Variants in MALRD1 observed in about 807,000 individuals in gnomAD.
The protein encoded by MALRD1 is MAM and LDL-receptor class A domain-containing protein 1.
Under a neutral mutation model 242.1 loss-of-function variants are expected in MALRD1, and 247 were observed. The observed-to-expected ratio is 1.02, with a 90% CI of 0.92 to 1.13. The LOEUF (loss-of-function observed/expected upper bound fraction) is 1.13. MALRD1 is among the 50% of genes most tolerant of loss of function. The pLI, the probability that MALRD1 is intolerant of heterozygous loss-of-function variation, is 0.00. For missense variants in MALRD1, 2,989 were observed against 2,533.1 expected (o/e 1.18, Z -3.86); for synonymous variants, 995 against 866.6 (o/e 1.15, Z -2.60).
rs920209958 is a variant in MALRD1 at position 19,124,437 on chromosome 10, G to GC, written c.797-86dup. 8 of 1,118,100 alleles carry GC rather than the reference G, an allele frequency of 7.2e-6. No homozygotes were observed. The African/African-American group carries it at 1.3e-4, about 18-fold the overall frequency. The allele number at this position is 1,118,100 out of a possible 1,614,324, so 69.3% of individuals were successfully genotyped here. A position where few individuals can be genotyped will look rare whatever the true frequency, so the allele number is the denominator to read the frequency against. ...TGCTGATGTGTATGTGTGTATATAA[G>GC]CTTTTTGGTTGATTACAACACATAA... is the stretch of plus-strand genomic sequence containing the variant. On this transcript the variant is annotated intron_variant, in intron 6 of 39. Transcript: ENST00000454679.
chr10:19,382,889 C>G (rs1234528655), intron 26 of MALRD1, among the ~76,000 whole-genome samples: 1 of 152,142 alleles, frequency 6.6e-6, no homozygotes, highest in Middle Eastern at 3.2e-3. Flanking sequence ...AGGATGTATA[C>G]TCTTTCTTTA....
Position 19,531,278 on chromosome 10 carries a change from C to G in MALRD1, c.5405C>G (p.Pro1802Arg). The change falls in exon 32 of 40, where the codon CCA becomes CGA. Residue 1802 changes from proline to arginine, a missense_variant. Pro to Arg is a moderately radical substitution (Grantham distance 103, BLOSUM62 -2). Transcript: ENST00000454679. ...AGAATTACTACTTCCAAATCCTTCCCAGCAAGCCTTGGAATGTGTACTGTT... is the reference window on the plus strand; with the variant it reads ...AGAATTACTACTTCCAAATCCTTCCGAGCAAGCCTTGGAATGTGTACTGTT... ...VARITTSKSF[P>R]ASLGMCTVRF... 6.5e-7 allele frequency: 1 copy of G among 1,550,368 alleles called. No individual in the cohort carries two copies. The highest frequency in any genetic ancestry group is 8.7e-7 in the Non-Finnish European group (1 of 1,146,838).
chr10:19,140,523 T>TGG (rs1408789937), intron 10 of MALRD1, among the ~76,000 whole-genome samples: 7 of 119,942 alleles, frequency 5.8e-5, no homozygotes, highest in East Asian at 2.3e-4. Context: ...ATCAAACAAG[T>TGG]GGGGTGTGTG....
chr10:19,149,127 A>T (rs201259243), intron 11 of MALRD1, among the ~76,000 whole-genome samples: 2 of 97,660 alleles, frequency 2.0e-5, no homozygotes, highest in African/African-American at 3.8e-5. Context: ...TATCTATCTA[A>T]CTAGCTGAGA....
intron 2 of MALRD1, among the ~76,000 whole-genome samples, chr10:19,086,895 G>A (rs1166312123): frequency 1.3e-5 from 2 of 151,938 alleles, no homozygotes; most frequent in Non-Finnish European, 1.5e-5. Flanking sequence ...TTTTGTGTCT[G>A]TTCCCATACA....
intron 1 of MALRD1, among the ~76,000 whole-genome samples, chr10:19,055,898 T>A (rs1390696151): frequency 6.6e-6 from 1 of 152,184 alleles, no homozygotes; most frequent in Non-Finnish European, 1.5e-5. Context: ...TGCGTACTAT[T>A]CTTATTACCT....
chr10:19,081,819 T>C (rs1044731208), intron 2 of MALRD1, among the ~76,000 whole-genome samples: 2 of 152,020 alleles, frequency 1.3e-5, no homozygotes, highest in African/African-American at 4.8e-5. Context: ...CATATAGCGA[T>C]TTCAGCTTTC....
At chr10:19,144,215 C>A (rs188766392) in intron 10 of MALRD1, among the ~76,000 whole-genome samples, 1 of 152,304 alleles carries the variant, frequency 6.6e-6, no homozygotes, top group Admixed American at 6.5e-5. Context: ...GTACCAAAAT[C>A]TATGGATGCT....
At chr10:19,373,205 A>AAAAAAAAAAAAAAAT (rs1554841842) in intron 26 of MALRD1, among the ~76,000 whole-genome samples, 2 of 21,478 alleles carry the variant, frequency 9.3e-5, no homozygotes, top group African/African-American at 4.4e-4. Context: ...GCTAAATACA[A>AAAAAAAAAAAAAAAT]AAAAAAAAAA....
intron 36 of MALRD1, among the ~76,000 whole-genome samples, chr10:19,670,083 C>G (rs1405021119): frequency 6.6e-6 from 1 of 151,692 alleles, no homozygotes; most frequent in South Asian, 2.1e-4. Flanking sequence ...CACACACACA[C>G]ACACACACAA....
At chr10:19,143,617 C>G (rs1209081208) in intron 10 of MALRD1, among the ~76,000 whole-genome samples, 4 of 152,176 alleles carry the variant, frequency 2.6e-5, no homozygotes, top group African/African-American at 9.7e-5. Flanking sequence ...GACATGTGGT[C>G]ACTCTACTCA....
intron 14 of MALRD1, among the ~76,000 whole-genome samples, chr10:19,199,021 A>T (rs72786529): frequency 0.14 from 21,376 of 152,228 alleles, 1,583 homozygotes; most frequent in Middle Eastern, 0.2. Flanking sequence ...GTTCCAAAAT[A>T]GAGAATAGAG....
intron 2 of MALRD1, among the ~76,000 whole-genome samples, chr10:19,080,025 C>A (rs1445433954): frequency 6.6e-6 from 1 of 151,798 alleles, no homozygotes. Context: ...ACAGTTGCTA[C>A]AAAGAGAATA....
At chr10:19,399,952 C>G (rs1846761280) in intron 28 of MALRD1, among the ~76,000 whole-genome samples, 1 of 152,140 alleles carries the variant, frequency 6.6e-6, no homozygotes, top group South Asian at 2.1e-4. Flanking sequence ...TTGGGATATA[C>G]TATGCCCAAC....
chr10:19,209,512 C>A lies in MALRD1; in HGVS notation c.2823C>A (p.Cys941Ter). Residue 941 changes from cysteine (C) to a stop codon, truncating the protein, a stop_gained, in exon 18 of 40, where the codon TGC becomes TGA. Transcript: ENST00000454679. LOFTEE classifies it high-confidence loss of function. ...TTAATGCCACTGATACAAAAGGCTGCACCTTCCGCTTCTATTACCACATGT... is the reference window on the plus strand; with the variant it reads ...TTAATGCCACTGATACAAAAGGCTGAACCTTCCGCTTCTATTACCACATGT... The part of the protein sequence containing the change: ...PILNATDTKG[C>*]TFRFYYHMFG... The A allele has an allele frequency of 6.4e-7, 1 of 1,550,728 alleles. No homozygotes were observed. Among genetic ancestry groups the A allele is most frequent in the Non-Finnish European group, 8.7e-7 (1 of 1,147,004 alleles).
At chr10:19,614,774 A>G (rs553876996) in intron 35 of MALRD1, among the ~76,000 whole-genome samples, 1 of 152,156 alleles carries the variant, frequency 6.6e-6, no homozygotes, top group South Asian at 2.1e-4. Flanking sequence ...GTGAAATAGG[A>G]GGACCAGGGA....
At chr10:19,514,216 G>A (rs572370748) in intron 31 of MALRD1, among the ~76,000 whole-genome samples, 77 of 152,124 alleles carry the variant, frequency 5.1e-4, no homozygotes, top group Non-Finnish European at 9.6e-4. Flanking sequence ...ATAATTTAAG[G>A]TAATAACTAG....
At chr10:19,537,263 C>T (rs2131366595) in intron 32 of MALRD1, among the ~76,000 whole-genome samples, 1 of 152,198 alleles carries the variant, frequency 6.6e-6, no homozygotes, top group African/African-American at 2.4e-5. Context: ...TGGAAAAGGG[C>T]TGGAATCTGG....
intron 28 of MALRD1, among the ~76,000 whole-genome samples, chr10:19,429,512 C>T (rs1834036530): frequency 6.6e-6 from 1 of 152,022 alleles, no homozygotes; most frequent in Non-Finnish European, 1.5e-5. Flanking sequence ...TGCGGTGAGC[C>T]GAGGCCATGC....
Sources: gnomAD v4.1 joint callset for allele counts (sites outside exome capture counted in the v4.1 genomes callset) on GRCh38, gnomAD v4.1.1 for gene constraint, MANE v1.5 for transcripts, NCBI Gene and HGNC (gene_info 2026-07-23, HGNC 2026-07-21) for gene names.